Variants in FCHSD2 observed in about 807,000 individuals in gnomAD.
FCHSD2 encodes F-BAR and double SH3 domains protein 2.
A neutral mutation model predicts 108.1 loss-of-function variants in FCHSD2; 38 were observed. The observed-to-expected ratio is 0.35, with a 90% confidence interval of 0.27 to 0.46. The LOEUF (loss-of-function observed/expected upper bound fraction) is 0.46. FCHSD2 is among the 20% of genes least tolerant of loss of function. The pLI is 1.00. For synonymous variants in FCHSD2, 279 were observed against 314.7 expected, an observed-to-expected ratio of 0.89 and a Z score of 1.20; for missense variants, 751 against 897.8, an observed-to-expected ratio of 0.84 and a Z score of 2.09.
chr11:72,947,953 T>C (rs986452565), intron 8 of FCHSD2, among the ~76,000 whole-genome samples: 7 of 152,240 alleles, frequency 4.6e-5, no homozygotes, highest in Non-Finnish European at 1.0e-4. Flanking sequence ...GGTATAATCT[T>C]ATACAACATA....
intron 9 of FCHSD2, among the ~76,000 whole-genome samples, chr11:72,917,516 A>G (rs1023757298): frequency 1.3e-5 from 2 of 152,196 alleles, no homozygotes; most frequent in Admixed American, 6.5e-5. Context: ...GAAATTGGGA[A>G]GTGTGAGTCC....
At chr11:73,134,720 G>A (rs925803748) in intron 2 of FCHSD2, among the ~76,000 whole-genome samples, 4 of 152,220 alleles carry the variant, frequency 2.6e-5, no homozygotes, top group East Asian at 1.9e-4. Flanking sequence ...TTTGACTTTG[G>A]TGAAACTCAC....
intron 8 of FCHSD2, among the ~76,000 whole-genome samples, chr11:72,980,080 A>AGAGT (rs1276835603): frequency 6.6e-6 from 1 of 152,258 alleles, no homozygotes; most frequent in Non-Finnish European, 1.5e-5. Context: ...AGACTCTGGA[A>AGAGT]GAGTCTTCAA....
chr11:72,934,192 C>T (rs746009828), intron 8 of FCHSD2, among the ~76,000 whole-genome samples: 9 of 150,300 alleles, frequency 6.0e-5, no homozygotes, highest in Admixed American at 3.3e-4. Flanking sequence ...GAGAAGGGCA[C>T]GTATGATGAA....
intron 2 of FCHSD2, among the ~76,000 whole-genome samples, chr11:73,124,769 G>C (rs1488027740): frequency 6.7e-6 from 1 of 148,474 alleles, no homozygotes; most frequent in Non-Finnish European, 1.5e-5. Context: ...AAAAAAAAAA[G>C]GAAACAATGG....
At chr11:72,884,062 A>C (rs1161741921) in intron 12 of FCHSD2, among the ~76,000 whole-genome samples, 6 of 152,156 alleles carry the variant, frequency 3.9e-5, no homozygotes, top group Non-Finnish European at 1.5e-5. Flanking sequence ...TATCATGGAA[A>C]GATCTGGTAG....
intron 13 of FCHSD2, among the ~76,000 whole-genome samples, chr11:72,851,931 C>T (rs1861300150): frequency 7.1e-6 from 1 of 141,068 alleles, no homozygotes; most frequent in Non-Finnish European, 1.5e-5. Flanking sequence ...GGCTGGAATG[C>T]AGTGACACAA....
intron 9 of FCHSD2, among the ~76,000 whole-genome samples, chr11:72,917,456 T>G (rs1041806755): frequency 6.6e-6 from 1 of 152,244 alleles, no homozygotes; most frequent in Non-Finnish European, 1.5e-5. Context: ...ATGTCTATAC[T>G]TATGTCCATA....
intron 2 of FCHSD2, among the ~76,000 whole-genome samples, chr11:73,092,569 T>C (rs1859983389): frequency 6.6e-6 from 1 of 152,146 alleles, no homozygotes; most frequent in Non-Finnish European, 1.5e-5. Context: ...GACTGAACAT[T>C]GTAAAAAGTT....
chr11:72,927,578 AAC>A (rs1856101052), intron 8 of FCHSD2, among the ~76,000 whole-genome samples: 1 of 152,206 alleles, frequency 6.6e-6, no homozygotes, highest in Non-Finnish European at 1.5e-5. Flanking sequence ...AAAAAACAGT[AAC>A]ACAAATTGTT....
rs745373823 is a variant in FCHSD2, at chr11:72,884,584, C to CAT, written c.1146+2884_1146+2885dup. On this transcript the variant is annotated intron_variant, in intron 12 of 19. Coordinates refer to ENST00000409418, the MANE Select transcript of FCHSD2 (RefSeq NM_014824.3). ...ATATATGATGATATATATAAAAGAT[C>CAT]ATATATATATATATAAAAGATCATA... Among the ~76,000 whole-genome samples, 556 of 143,792 alleles carry CAT rather than the reference C, an allele frequency of 3.9e-3. 2 individuals carry two copies. The highest frequency in any genetic ancestry group is 4.7e-3 in the Non-Finnish European group (314 of 66,122). The allele number at this position is 143,792 out of a possible 152,430, so 94.3% of individuals were successfully genotyped here.
In FCHSD2 at chr11:72,896,096, T is replaced by C. The variant is rs1855412164; in HGVS notation, c.925-6151A>G. On this transcript the variant is annotated intron_variant, in intron 10 of 19. Transcript: ENST00000409418. Reference sequence around the variant, plus strand: ...ACTTTAATGTGTAAAAATCCTCAACTACAGCAAGTGGACATTTTACTTACT... The same window carrying C: ...ACTTTAATGTGTAAAAATCCTCAACCACAGCAAGTGGACATTTTACTTACT... 2.0e-5 allele frequency among the ~76,000 whole-genome samples: 3 copies of C among 152,314 alleles called. No homozygotes were observed. In the South Asian group the frequency reaches 6.2e-4, roughly 32 times the overall value.
chr11:73,058,301 T>C (rs1277586953), intron 3 of FCHSD2, among the ~76,000 whole-genome samples: 5 of 152,084 alleles, frequency 3.3e-5, no homozygotes, highest in Non-Finnish European at 7.4e-5. Flanking sequence ...GCTATGAAAA[T>C]CAGACATTAA....
At chr11:72,947,154 C>A (rs890885687) in intron 8 of FCHSD2, among the ~76,000 whole-genome samples, 1 of 152,196 alleles carries the variant, frequency 6.6e-6, no homozygotes, top group Admixed American at 6.5e-5. Context: ...GCTGTAGGTA[C>A]GAAGCATTTT....
chr11:73,074,545 G>C (rs1453982419), intron 3 of FCHSD2, among the ~76,000 whole-genome samples: 1 of 151,732 alleles, frequency 6.6e-6, no homozygotes, highest in East Asian at 1.9e-4. Context: ...TGGACTTTAG[G>C]ATAGCAATAT....
chr11:73,022,839 T>C (rs1858139774), intron 3 of FCHSD2, among the ~76,000 whole-genome samples: 1 of 151,984 alleles, frequency 6.6e-6, no homozygotes, highest in Admixed American at 6.6e-5. Context: ...GGCAAAAGAA[T>C]GGACAGATAG....
intron 8 of FCHSD2, among the ~76,000 whole-genome samples, chr11:72,922,218 G>T (rs539409174): frequency 6.6e-5 from 10 of 152,110 alleles, no homozygotes; most frequent in Non-Finnish European, 1.3e-4. Flanking sequence ...GACAAAATGC[G>T]TGGGTTCTGA....
rs896165193 is a variant in FCHSD2 at position 73,081,440 on chromosome 11, A to G, written c.165+2255T>C. Among the ~76,000 whole-genome samples the G allele has an allele frequency of 3.9e-5, 6 of 152,334 alleles. No individual in the cohort carries two copies. In the East Asian group the frequency reaches 1.2e-3, roughly 29 times the overall value. ...CAGAGTGAGACTCCATCTCAATTAA[A>G]TAAATAAATAAATCTTGTTACAGAA... On this transcript the variant is annotated intron_variant, in intron 3 of 19. Coordinates refer to ENST00000409418, the MANE Select transcript of FCHSD2 (RefSeq NM_014824.3).
At chr11:73,109,719 G>A (rs1860437032) in intron 2 of FCHSD2, among the ~76,000 whole-genome samples, 2 of 152,044 alleles carry the variant, frequency 1.3e-5, no homozygotes. Context: ...CTCTTGCTAG[G>A]ACTTCCAGTA....
Sources: gnomAD v4.1 joint callset for allele counts (sites outside exome capture counted in the v4.1 genomes callset) on GRCh38, gnomAD v4.1.1 for gene constraint, MANE v1.5 for transcripts, NCBI Gene and HGNC (gene_info 2026-07-23, HGNC 2026-07-21) for gene names.